The following MACO1 variants were observed in gnomAD, a reference collection of about 807,000 sequenced individuals.
The protein encoded by MACO1 is macoilin.
A neutral mutation model predicts 78.7 loss-of-function variants in MACO1; 14 were observed. The observed-to-expected ratio is 0.18, with a 90% CI of 0.12 to 0.28. The LOEUF (loss-of-function observed/expected upper bound fraction) is 0.28, where lower values mean the gene tolerates loss of function less well. MACO1 is among the 10% of genes least tolerant of loss of function. MACO1 has a pLI of 1.00. For missense variants in MACO1, 501 were observed against 799.0 expected, an observed-to-expected ratio of 0.63 and a Z score of 4.50; for synonymous variants, 288 against 291.6, an observed-to-expected ratio of 0.99 and a Z score of 0.12.
chr1:25,462,411 A>G (rs956040509), intron 6 of MACO1, among the ~76,000 whole-genome samples: 1 of 152,140 alleles, frequency 6.6e-6, no homozygotes, highest in Middle Eastern at 3.4e-3. Context: ...GACAGTGAAC[A>G]TAGTACCCAA....
intron 6 of MACO1, among the ~76,000 whole-genome samples, chr1:25,465,496 A>G (rs987474256): frequency 6.6e-6 from 1 of 152,174 alleles, no homozygotes; most frequent in Non-Finnish European, 1.5e-5. Flanking sequence ...TAATAGGTGG[A>G]TAGTGGTATC....
At position 25,480,930 on chromosome 1, in the gene MACO1, ATATATATATAT is replaced by A. The variant is rs1257542173; in HGVS notation, c.1155-3185_1155-3175del. Among the ~76,000 whole-genome samples, 22 of 75,286 alleles carry A rather than the reference ATATATATATAT, an allele frequency of 2.9e-4. 2 individuals carry two copies. Among genetic ancestry groups the A allele is most frequent in the African/African-American group, 9.8e-4 (16 of 16,296 alleles). 49.4% of individuals were successfully genotyped at this position (75,286 alleles called of 152,430 possible). A position where few individuals can be genotyped will look rare whatever the true frequency, so the allele number is the denominator to read the frequency against. The stretch of plus-strand genomic sequence containing the variant: ...GACTTGGTTAAAAAAAAAAAAAAAA[ATATATATATAT>A]ATATATATATATATATATATATATA... On this transcript the variant is annotated intron_variant, in intron 6 of 10. Transcript: ENST00000374343.
At chr1:25,454,442 G>A (rs899296639) in intron 4 of MACO1, 60 bp downstream of exon 4, 11 of 107,248 alleles carry the variant, frequency 1.0e-4, no homozygotes, top group Admixed American at 2.8e-4. Flanking sequence ...ATATATATGT[G>A]TGTGTGTGTG....
intron 4 of MACO1, among the ~76,000 whole-genome samples, chr1:25,455,721 G>A (rs1026607890): frequency 2.6e-5 from 4 of 151,978 alleles, no homozygotes; most frequent in Non-Finnish European, 4.4e-5. Flanking sequence ...TGATCATATC[G>A]GATACTTATT....
chr1:25,437,157 CAG>C (rs1458771342), intron 1 of MACO1, among the ~76,000 whole-genome samples: 1 of 146,330 alleles, frequency 6.8e-6, no homozygotes, highest in East Asian at 2.0e-4. Context: ...TTTTTTGAGA[CAG>C]GGTCTCATTC....
At chr1:25,471,136 C>T (rs945007626) in intron 6 of MACO1, among the ~76,000 whole-genome samples, 4 of 151,296 alleles carry the variant, frequency 2.6e-5, no homozygotes, top group African/African-American at 9.7e-5. Flanking sequence ...GCCAGGAGTT[C>T]GAGACCAGCC....
chr1:25,446,787 G>A lies in MACO1; in HGVS notation c.106G>A (p.Val36Met). The stretch of plus-strand genomic sequence containing the variant: ...TACATTTTTATACCTGAAATTCCTG[G>A]TGGTGTGGGCACTTGTCCTCCTAGC... ...GSTFLYLKFL[V>M]VWALVLLADF... Residue 36 changes from valine (V) to methionine (M), a missense_variant, in exon 2 of 11, where the codon GTG (valine) becomes ATG (methionine). Coordinates refer to ENST00000374343, the MANE Select transcript of MACO1 (RefSeq NM_018202.6). The A allele has an allele frequency of 6.2e-7, 1 of 1,611,864 alleles. No individual in the cohort carries two copies. The highest frequency in any genetic ancestry group is 2.2e-5 in the East Asian group (1 of 44,766).
At chr1:25,471,055 A>G (rs951323778) in intron 6 of MACO1, among the ~76,000 whole-genome samples, 1 of 149,742 alleles carries the variant, frequency 6.7e-6, no homozygotes. Context: ...ATATATGGGT[A>G]GGGCCGGGTA....
At chr1:25,458,322 C>T in intron 5 of MACO1, 69 bp from the exon 6 acceptor site, 2 of 1,509,876 alleles carry the variant, frequency 1.3e-6, no homozygotes, top group South Asian at 1.4e-5. Flanking sequence ...TTGAATTAAT[C>T]TGTGTTGTTA....
chr1:25,447,926 A>C (rs1271704504), intron 2 of MACO1, among the ~76,000 whole-genome samples: 1 of 152,198 alleles, frequency 6.6e-6, no homozygotes, highest in Non-Finnish European at 1.5e-5. Context: ...TGGTCAGAGC[A>C]AATCTATGCT....
At chr1:25,483,128 G>A (rs1253879829) in intron 6 of MACO1, among the ~76,000 whole-genome samples, 1 of 152,182 alleles carries the variant, frequency 6.6e-6, no homozygotes, top group Admixed American at 6.5e-5. Flanking sequence ...TCAGCTCACT[G>A]CAACCTCCAC....
intron 6 of MACO1, among the ~76,000 whole-genome samples, chr1:25,477,624 T>C (rs758190279): frequency 6.6e-6 from 1 of 152,196 alleles, no homozygotes; most frequent in Non-Finnish European, 1.5e-5. Flanking sequence ...CTGTGACTCA[T>C]AGTCACCCCT....
intron 8 of MACO1, among the ~76,000 whole-genome samples, chr1:25,486,860 A>ATTGT (rs2043438049): frequency 6.6e-6 from 1 of 152,052 alleles, no homozygotes; most frequent in African/African-American, 2.4e-5. Context: ...ACAATGTGGG[A>ATTGT]TTGTTTGTTT....
intron 10 of MACO1, among the ~76,000 whole-genome samples, chr1:25,493,606 A>T (rs2043508218): frequency 6.6e-6 from 1 of 152,106 alleles, no homozygotes; most frequent in Admixed American, 6.5e-5. Flanking sequence ...TGTTAATATA[A>T]ATAACTTTTT....
In MACO1 at chr1:25,452,190, T is replaced by C. The variant is rs559825233; in HGVS notation, c.350-2069T>C. Among the ~76,000 whole-genome samples, 33 of 152,306 alleles carry C rather than the reference T, an allele frequency of 2.2e-4. No individual in the cohort carries two copies. In the South Asian group the frequency reaches 5.4e-3, roughly 25 times the overall value. On this transcript the variant is annotated intron_variant, in intron 3 of 10. Transcript: ENST00000374343. ...AGGAAGTTAGACAAAATGATCTTCC[T>C]AGTTTGAAGATACTATGATTTTTCT...
At chr1:25,448,722 T>A in intron 2 of MACO1, 86 bp from the exon 3 acceptor site, 2 of 1,273,328 alleles carry the variant, frequency 1.6e-6, no homozygotes, top group Non-Finnish European at 2.1e-6. Context: ...TTTCAATAAT[T>A]TTGTCCAACA....
Position 25,454,447 on chromosome 1 carries a change from TGTG to T in MACO1, c.473+66_473+68del. 4 of 182,950 alleles carry T rather than the reference TGTG, an allele frequency of 2.2e-5. No homozygotes were observed. In the East Asian group the frequency reaches 8.2e-4, roughly 37 times the overall value. The allele number at this position is 182,950 out of a possible 1,614,324, so 11.3% of individuals were successfully genotyped here. A position where few individuals can be genotyped will look rare whatever the true frequency, so the allele number is the denominator to read the frequency against. ...GTGTGTATGTATATATATGTGTGTGTGTGTGTGTGTGTGTGTGTGTGTGTATAT... is the reference window on the plus strand; with the variant it reads ...GTGTGTATGTATATATATGTGTGTGTTGTGTGTGTGTGTGTGTGTGTATAT... On this transcript the variant is annotated intron_variant, in intron 4 of 10. Coordinates refer to ENST00000374343, the MANE Select transcript of MACO1 (RefSeq NM_018202.6).
rs546789521 is a variant in MACO1 at position 25,497,503 on chromosome 1, A to G, written c.1793-761A>G. 3.3e-5 allele frequency among the ~76,000 whole-genome samples: 5 copies of G among 152,316 alleles called. No individual in the cohort carries two copies. In the South Asian group the frequency reaches 1.0e-3, roughly 32 times the overall value. ...ATTTAGCTAGCTTCACAAAGAAAGC[A>G]GGAGATACACAGGACAGGAAGTGGC... On this transcript the variant is annotated intron_variant, in intron 10 of 10. Transcript: ENST00000374343.
chr1:25,464,990 T>TTA (rs71014364), intron 6 of MACO1, among the ~76,000 whole-genome samples: 3 of 151,012 alleles, frequency 2.0e-5, no homozygotes, highest in South Asian at 4.2e-4. Flanking sequence ...TTTTTTTTTT[T>TTA]AATATAGAGA....
Sources: gnomAD v4.1 joint callset for allele counts (sites outside exome capture counted in the v4.1 genomes callset) on GRCh38, gnomAD v4.1.1 for gene constraint, MANE v1.5 for transcripts, NCBI Gene and HGNC (gene_info 2026-07-23, HGNC 2026-07-21) for gene names.